The following COP1 variants were observed in gnomAD, a reference collection of about 807,000 sequenced individuals.
The protein encoded by COP1 is E3 ubiquitin-protein ligase COP1.
Under a neutral mutation model 101.3 loss-of-function variants are expected in COP1, and 24 were observed. The observed-to-expected ratio is 0.24, with a 90% CI of 0.17 to 0.33. The LOEUF (loss-of-function observed/expected upper bound fraction) is 0.33. Ranked by LOEUF, COP1 falls within the 10% of genes least tolerant of loss-of-function variation. COP1 has a pLI of 1.00. For synonymous variants in COP1, 347 were observed against 341.9 expected (o/e 1.01, Z -0.17); for missense variants, 663 against 906.2 (o/e 0.73, Z 3.45).
At chr1:176,170,956 T>A (rs1288308055) in intron 3 of COP1, among the ~76,000 whole-genome samples, 1 of 151,648 alleles carries the variant, frequency 6.6e-6, no homozygotes, top group Non-Finnish European at 1.5e-5. Flanking sequence ...AAACCCCATC[T>A]CTACTAAAAA....
At chr1:176,173,986 CAA>C (rs1212803591) in intron 3 of COP1, among the ~76,000 whole-genome samples, 48 of 49,076 alleles carry the variant, frequency 9.8e-4, no homozygotes, top group Middle Eastern at 0.017. Context: ...GATGCTGTCT[CAA>C]AAAAAAAAAA....
intron 14 of COP1, among the ~76,000 whole-genome samples, chr1:176,041,266 T>G (rs1301584341): frequency 6.6e-6 from 1 of 152,156 alleles, no homozygotes; most frequent in Admixed American, 6.5e-5. Flanking sequence ...TCTAAAAACA[T>G]CATTAGAATA....
chr1:175,991,118 C>T (rs573232815), intron 15 of COP1, among the ~76,000 whole-genome samples: 3 of 152,090 alleles, frequency 2.0e-5, no homozygotes, highest in South Asian at 2.1e-4. Context: ...ACAGTAAGTA[C>T]AATAATACAT....
chr1:176,172,927 C>T (rs997646436), intron 3 of COP1, among the ~76,000 whole-genome samples: 1 of 152,156 alleles, frequency 6.6e-6, no homozygotes, highest in African/African-American at 2.4e-5. Flanking sequence ...ATAGATGTAT[C>T]AGGATGAAAT....
intron 15 of COP1, among the ~76,000 whole-genome samples, chr1:176,024,906 A>G (rs554229725): frequency 1.3e-5 from 2 of 152,220 alleles, no homozygotes; most frequent in Non-Finnish European, 2.9e-5. Context: ...TGAAAATTAC[A>G]AAACTATTGA....
At chr1:176,179,849 C>A (rs1697504117) in intron 2 of COP1, among the ~76,000 whole-genome samples, 1 of 149,680 alleles carries the variant, frequency 6.7e-6, no homozygotes. Flanking sequence ...GCTTACTACA[C>A]TATCTCTCAG....
rs1441777298 is a variant in COP1, at chr1:176,081,286, A to G, written c.1143T>C (p.Asp381=). The G allele has an allele frequency of 6.4e-7, 1 of 1,564,008 alleles. No individual in the cohort carries two copies. Among genetic ancestry groups the G allele is most frequent in the South Asian group, 1.2e-5 (1 of 82,780 alleles). ...CCAACTGGCTTGCAGTTCGACTGTC[A>G]TCTATATGAAAAAAAAAAAAAAAAG... The part of the protein sequence containing the change: ...YFSTRMSRIS[D]DSRTASQLDE... Residue 381 remains aspartate, a splice_region_variant and synonymous_variant, in exon 11 of 20, where the codon GAT becomes GAC. Coordinates refer to ENST00000367669, the MANE Select transcript of COP1 (RefSeq NM_022457.7).
intron 18 of COP1, among the ~76,000 whole-genome samples, chr1:175,979,654 G>C (rs1256382374): frequency 1.3e-5 from 2 of 152,074 alleles, no homozygotes; most frequent in Non-Finnish European, 2.9e-5. Flanking sequence ...TTTGAAAATA[G>C]ACAAAATGGG....
chr1:176,058,821 C>G (rs1674329677), intron 11 of COP1, among the ~76,000 whole-genome samples: 1 of 138,814 alleles, frequency 7.2e-6, no homozygotes, highest in Admixed American at 7.4e-5. Flanking sequence ...AACTTCTCCT[C>G]CCCTCTGGAA....
chr1:176,143,792 GTTGA>G (rs879641762), intron 6 of COP1, among the ~76,000 whole-genome samples: 7 of 152,102 alleles, frequency 4.6e-5, no homozygotes, highest in Non-Finnish European at 1.0e-4. Flanking sequence ...TAGATGCAAA[GTTGA>G]TTGACTCCCC....
chr1:176,079,676 AT>A (rs202142866), intron 11 of COP1, among the ~76,000 whole-genome samples: 2 of 150,748 alleles, frequency 1.3e-5, no homozygotes, highest in South Asian at 2.1e-4. Context: ...TAATAAAAAA[AT>A]AAAAGTGGTC....
At chr1:176,169,097 C>T (rs905050620) in intron 3 of COP1, among the ~76,000 whole-genome samples, 2 of 152,084 alleles carry the variant, frequency 1.3e-5, no homozygotes, top group African/African-American at 4.8e-5. Context: ...AGTCATGTTG[C>T]TGTAAAAACG....
At chr1:176,157,613 C>G (rs762140156) in intron 5 of COP1, among the ~76,000 whole-genome samples, 9 of 152,180 alleles carry the variant, frequency 5.9e-5, no homozygotes, top group Non-Finnish European at 1.2e-4. Flanking sequence ...CTGCTCCTCC[C>G]TATCATACCT....
At chr1:176,093,593 A>G (rs569382785) in intron 9 of COP1, among the ~76,000 whole-genome samples, 2 of 152,274 alleles carry the variant, frequency 1.3e-5, no homozygotes, top group East Asian at 3.9e-4. Flanking sequence ...TAATCCCAGC[A>G]CTTTGGGAGG....
chr1:175,973,607 T>C (rs1356989381), intron 18 of COP1, among the ~76,000 whole-genome samples: 1 of 152,200 alleles, frequency 6.6e-6, no homozygotes, highest in Non-Finnish European at 1.5e-5. Flanking sequence ...AAAAATATAA[T>C]GGTTGCCTTG....
At chr1:176,171,012 C>T (rs1423378661) in intron 3 of COP1, among the ~76,000 whole-genome samples, 1 of 150,314 alleles carries the variant, frequency 6.7e-6, no homozygotes, top group Admixed American at 6.7e-5. Flanking sequence ...GTAATCCCAG[C>T]TACTCAGGAG....
chr1:176,091,445 C>T (rs1467404410), intron 9 of COP1, among the ~76,000 whole-genome samples: 1 of 151,390 alleles, frequency 6.6e-6, no homozygotes, highest in African/African-American at 2.4e-5. Context: ...AAAAAGAGAG[C>T]AAGGAAACGA....
chr1:176,134,605 G>C (rs1178940172), intron 8 of COP1, among the ~76,000 whole-genome samples: 3 of 151,950 alleles, frequency 2.0e-5, no homozygotes, highest in African/African-American at 7.2e-5. Context: ...TGGGAAAAGT[G>C]ATCTGTCCAA....
intron 6 of COP1, among the ~76,000 whole-genome samples, chr1:176,143,573 T>C (rs6661288): frequency 0.013 from 2,010 of 152,148 alleles, 51 homozygotes; most frequent in African/African-American, 0.046. Flanking sequence ...ATCTCACTCA[T>C]GAACATAGAT....
Sources: gnomAD v4.1 joint callset for allele counts (sites outside exome capture counted in the v4.1 genomes callset) on GRCh38, gnomAD v4.1.1 for gene constraint, MANE v1.5 for transcripts, NCBI Gene and HGNC (gene_info 2026-07-23, HGNC 2026-07-21) for gene names.